Variants in RTTN observed in about 807,000 individuals in gnomAD.
RTTN encodes rotatin.
Under a neutral mutation model 269.2 loss-of-function variants are expected in RTTN, and 182 were observed. The observed-to-expected ratio is 0.68, with a 90% confidence interval of 0.60 to 0.76. The LOEUF is 0.76. RTTN is among the 30% of genes least tolerant of loss of function. RTTN has a pLI of 0.00. For synonymous variants in RTTN, 1,006 were observed against 963.5 expected (o/e 1.04, Z -0.82); for missense variants, 2,545 against 2,608.6 (o/e 0.98, Z 0.53).
rs556961404 is a variant in RTTN, at chr18:70,166,913, T to C, written c.1802+6A>G. The C allele has an allele frequency of 6.3e-7, 1 of 1,589,102 alleles. No homozygotes were observed. The highest frequency in any genetic ancestry group is 2.2e-5 in the East Asian group (1 of 44,700). On this transcript the variant is annotated splice_donor_region_variant and intron_variant, in intron 13 of 48. Coordinates refer to ENST00000640769, the MANE Select transcript of RTTN (RefSeq NM_173630.4). The stretch of plus-strand genomic sequence containing the variant: ...AACGTAATCACATTAAGAAAGAAAA[T>C]ATTACATCTTTGAACAAATGCTGAT...
At chr18:70,025,158 G>A (rs1178166976) in intron 43 of RTTN, among the ~76,000 whole-genome samples, 3 of 152,218 alleles carry the variant, frequency 2.0e-5, no homozygotes, top group African/African-American at 7.2e-5. Flanking sequence ...ATAAATTCCT[G>A]TAAATGCTAT....
At chr18:70,186,995 C>T (rs964616605) in intron 10 of RTTN, among the ~76,000 whole-genome samples, 9 of 152,148 alleles carry the variant, frequency 5.9e-5, no homozygotes, top group Non-Finnish European at 5.9e-5. Flanking sequence ...AACCTGCACA[C>T]GTACCGCTGA....
intron 10 of RTTN, among the ~76,000 whole-genome samples, chr18:70,184,625 G>A (rs1023072403): frequency 5.4e-5 from 8 of 148,496 alleles, no homozygotes; most frequent in Admixed American, 4.8e-4. Flanking sequence ...TGGATCAGAA[G>A]ATTCAATACT....
At chr18:70,159,881 A>G (rs2060781018) in intron 14 of RTTN, among the ~76,000 whole-genome samples, 2 of 152,116 alleles carry the variant, frequency 1.3e-5, no homozygotes, top group Non-Finnish European at 2.9e-5. Context: ...GAAAGAAATT[A>G]AAACCATGAA....
intron 40 of RTTN, among the ~76,000 whole-genome samples, chr18:70,039,799 C>T (rs1014891202): frequency 3.9e-5 from 6 of 152,040 alleles, no homozygotes; most frequent in Admixed American, 1.3e-4. Flanking sequence ...AGAGAAACAA[C>T]TAAAAGTTAA....
At chr18:70,087,219 C>T (rs2058725026) in intron 31 of RTTN, among the ~76,000 whole-genome samples, 1 of 152,112 alleles carries the variant, frequency 6.6e-6, no homozygotes, top group African/African-American at 2.4e-5. Context: ...CAAATAGGAG[C>T]ATTGATTGTC....
At chr18:70,125,467 T>C (rs1031720203) in intron 25 of RTTN, among the ~76,000 whole-genome samples, 5 of 151,990 alleles carry the variant, frequency 3.3e-5, no homozygotes, top group Non-Finnish European at 7.4e-5. Context: ...TTGCGGAACA[T>C]TCATTTGGAT....
At position 70,024,857 on chromosome 18, in the gene RTTN, G is replaced by C. The variant is rs543633894; in HGVS notation, c.5824-9C>G. ...GCTTCAAGAGCTGCTTCCTGTTGAA[G>C]GAAGGGAAAAAGACAGCATTAGTCT... On this transcript the variant is annotated splice_polypyrimidine_tract_variant and intron_variant, in intron 43 of 48. Transcript: ENST00000640769. 6.2e-7 allele frequency: 1 copy of C among 1,609,692 alleles called. No individual in the cohort carries two copies. Among genetic ancestry groups the C allele is most frequent in the South Asian group, 1.1e-5 (1 of 89,916 alleles).
At chr18:70,065,214 C>A (rs1391187586) in intron 35 of RTTN, among the ~76,000 whole-genome samples, 1 of 147,540 alleles carries the variant, frequency 6.8e-6, no homozygotes, top group Admixed American at 6.9e-5. Flanking sequence ...ATAGTATAGT[C>A]CTTTCAAGTC....
At chr18:70,112,188 CCACTGCAAA>C (rs1329447567) in intron 27 of RTTN, among the ~76,000 whole-genome samples, 2 of 152,098 alleles carry the variant, frequency 1.3e-5, no homozygotes, top group Admixed American at 6.6e-5. Flanking sequence ...CCGGTACCAG[CCACTGCAAA>C]AGCATACCAA....
At chr18:70,064,300 T>C (rs562156519) in intron 35 of RTTN, among the ~76,000 whole-genome samples, 27 of 122,670 alleles carry the variant, frequency 2.2e-4, no homozygotes, top group African/African-American at 7.6e-4. Context: ...ATTGCGCCAC[T>C]GCACTCCAGC....
intron 17 of RTTN, among the ~76,000 whole-genome samples, chr18:70,146,559 T>G (rs759227432): frequency 1.3e-5 from 2 of 152,110 alleles, no homozygotes; most frequent in Non-Finnish European, 2.9e-5. Flanking sequence ...AGACAACAAT[T>G]AAAACATGCA....
At chr18:70,028,488 AC>A (rs1163867057) in intron 43 of RTTN, among the ~76,000 whole-genome samples, 4 of 152,174 alleles carry the variant, frequency 2.6e-5, no homozygotes, top group African/African-American at 9.7e-5. Context: ...CATTTAAAAT[AC>A]CTAAGAGTAC....
chr18:70,013,185 T>C (rs1247632396), intron 46 of RTTN, among the ~76,000 whole-genome samples: 1 of 152,214 alleles, frequency 6.6e-6, no homozygotes. Flanking sequence ...CAAGTGCTAC[T>C]CATTAGGGCA....
intron 35 of RTTN, among the ~76,000 whole-genome samples, chr18:70,064,720 T>G (rs1040490414): frequency 2.0e-5 from 3 of 149,998 alleles, no homozygotes; most frequent in African/African-American, 7.3e-5. Flanking sequence ...GGGTATAGGG[T>G]TTTTTTGCAA....
intron 30 of RTTN, among the ~76,000 whole-genome samples, chr18:70,090,451 C>A (rs992082033): frequency 2.0e-5 from 3 of 152,080 alleles, no homozygotes; most frequent in Admixed American, 6.6e-5. Flanking sequence ...TATTGTATTG[C>A]ACTCAGCCTT....
At chr18:70,166,347 T>C (rs959587547) in intron 13 of RTTN, 159 bp from the exon 14 acceptor site, 22 of 614,834 alleles carry the variant, frequency 3.6e-5, no homozygotes, top group Non-Finnish European at 4.8e-5. Context: ...TAAGCACTTA[T>C]TTGTTTCAGG....
At chr18:70,071,151 C>G (rs941848131) in intron 34 of RTTN, among the ~76,000 whole-genome samples, 2 of 152,154 alleles carry the variant, frequency 1.3e-5, no homozygotes, top group Non-Finnish European at 2.9e-5. Context: ...CAAGCATGCA[C>G]TCCATGGAGT....
At chr18:70,138,418 G>T (rs1417621012) in intron 21 of RTTN, 1 of 152,122 alleles carries the variant, frequency 6.6e-6, no homozygotes, top group Non-Finnish European at 1.5e-5. Flanking sequence ...ACTGAAAAGG[G>T]TATAGATTAT....
Sources: gnomAD v4.1 joint callset for allele counts (sites outside exome capture counted in the v4.1 genomes callset) on GRCh38, gnomAD v4.1.1 for gene constraint, MANE v1.5 for transcripts, NCBI Gene and HGNC (gene_info 2026-07-23, HGNC 2026-07-21) for gene names.